Variants in THSD4 observed in about 807,000 individuals in gnomAD.
THSD4 encodes thrombospondin type-1 domain-containing protein 4.
Under a neutral mutation model 119.0 loss-of-function variants are expected in THSD4, and 69 were observed. The ratio of observed to expected loss-of-function variants is 0.58; its 90% CI spans 0.48 to 0.71. The LOEUF is 0.71. THSD4 is among the 30% of genes least tolerant of loss of function. THSD4 has a pLI of 0.00. For missense variants in THSD4, 1,393 were observed against 1,391.1 expected (o/e 1.00, Z -0.02); for synonymous variants, 524 against 540.4 (o/e 0.97, Z 0.42).
intron 8 of THSD4, among the ~76,000 whole-genome samples, chr15:71,692,385 A>G (rs1346016292): frequency 2.0e-5 from 3 of 152,228 alleles, no homozygotes; most frequent in Admixed American, 6.5e-5. Context: ...GTTAGATGCC[A>G]AGGTGATTTA....
intron 7 of THSD4, among the ~76,000 whole-genome samples, chr15:71,470,236 G>A (rs1366119453): frequency 6.6e-6 from 1 of 151,990 alleles, no homozygotes; most frequent in Non-Finnish European, 1.5e-5. Flanking sequence ...TTTGCTTTGG[G>A]ATAATTATTT....
intron 4 of THSD4, among the ~76,000 whole-genome samples, chr15:71,216,124 G>GTGTCTTTTGTTTTTTGTTGGGT (rs2043930590): frequency 6.6e-6 from 1 of 152,234 alleles, no homozygotes; most frequent in Non-Finnish European, 1.5e-5. Flanking sequence ...CATTCATCCG[G>GTGTCTTTTGTTTTTTGTTGGGT]CAGTATTTGT....
chr15:71,186,933 C>G (rs1008770192), intron 3 of THSD4: 1 of 152,152 alleles, frequency 6.6e-6, no homozygotes, highest in African/African-American at 2.4e-5. Flanking sequence ...ATTCGTTGTA[C>G]TAGGAAAACC....
At chr15:71,475,642 G>A (rs959184359) in intron 7 of THSD4, among the ~76,000 whole-genome samples, 1 of 152,202 alleles carries the variant, frequency 6.6e-6, no homozygotes, top group African/African-American at 2.4e-5. Context: ...AGAAATGGCG[G>A]CCAGGCGTGG....
At chr15:71,630,742 A>G (rs554083120) in intron 7 of THSD4, among the ~76,000 whole-genome samples, 5 of 152,266 alleles carry the variant, frequency 3.3e-5, no homozygotes, top group South Asian at 2.1e-4. Context: ...TCAGAGACAC[A>G]TGGGTGTTTG....
intron 6 of THSD4, among the ~76,000 whole-genome samples, chr15:71,312,408 G>C (rs2045124066): frequency 6.6e-6 from 1 of 151,986 alleles, no homozygotes; most frequent in South Asian, 2.1e-4. Context: ...AACCTAATCT[G>C]ACTATTGTGC....
At position 71,215,085 on chromosome 15, in the gene THSD4, C is replaced by G. The variant is rs1360988489; in HGVS notation, c.150C>G (p.Gly50=). ...AEGAPEDDGG[G]GAPGVWGAWG... is the part of the protein sequence containing the mutation. ...GCGCCCCCGAGGACGACGGCGGCGG[C>G]GGCGCCCCGGGAGTGTGGGGCGCCT... The change falls in exon 4 of 18, where the codon GGC becomes GGG. Residue 50 remains glycine, a synonymous_variant. Transcript: ENST00000261862. The G allele has an allele frequency of 1.5e-6, 2 of 1,302,558 alleles. No individual in the cohort carries two copies. Among genetic ancestry groups the G allele is most frequent in the Non-Finnish European group, 2.0e-6 (2 of 1,024,640 alleles). 80.7% of individuals were successfully genotyped at this position (1,302,558 alleles called of 1,614,324 possible).
chr15:71,453,952 T>C (rs1045686431), intron 7 of THSD4, among the ~76,000 whole-genome samples: 4 of 152,116 alleles, frequency 2.6e-5, no homozygotes, highest in African/African-American at 7.2e-5. Flanking sequence ...ATAACTCAAA[T>C]GTACATTTAA....
At chr15:71,755,583 G>A (rs1326937852) in intron 14 of THSD4, among the ~76,000 whole-genome samples, 1 of 151,884 alleles carries the variant, frequency 6.6e-6, no homozygotes, top group Non-Finnish European at 1.5e-5. Context: ...AATGAACAAG[G>A]CAGGGCCCAA....
chr15:71,411,916 C>A (rs1596413197), intron 7 of THSD4, 93 bp downstream of exon 7: 10 of 1,523,718 alleles, frequency 6.6e-6, no homozygotes, highest in Admixed American at 5.4e-5. Context: ...GCTGCTAGCT[C>A]CCCCCAGCCC....
chr15:71,657,738 C>G (rs542327199), intron 7 of THSD4, among the ~76,000 whole-genome samples: 4 of 152,150 alleles, frequency 2.6e-5, no homozygotes, highest in African/African-American at 9.7e-5. Context: ...CAGGCTACTT[C>G]GACATCTACC....
chr15:71,161,114 G>T (rs193145848), intron 3 of THSD4, among the ~76,000 whole-genome samples: 2 of 152,172 alleles, frequency 1.3e-5, no homozygotes, highest in East Asian at 3.9e-4. Context: ...GGAATGAAAA[G>T]ATACATGTTA....
intron 7 of THSD4, among the ~76,000 whole-genome samples, chr15:71,478,644 G>A (rs1029403493): frequency 6.6e-5 from 10 of 152,184 alleles, no homozygotes; most frequent in Non-Finnish European, 1.5e-4. Flanking sequence ...ATGGTAGGTA[G>A]CAGCCAAAAT....
At chr15:71,289,221 T>C (rs1316712527) in intron 6 of THSD4, among the ~76,000 whole-genome samples, 1 of 152,130 alleles carries the variant, frequency 6.6e-6, no homozygotes, top group East Asian at 1.9e-4. Context: ...GGGGCAAGAC[T>C]CCCAGGACCC....
intron 6 of THSD4, among the ~76,000 whole-genome samples, chr15:71,276,596 T>G (rs2044593014): frequency 6.6e-6 from 1 of 152,214 alleles, no homozygotes; most frequent in Non-Finnish European, 1.5e-5. Context: ...TTTTCAATCT[T>G]TCCAATCATG....
chr15:71,290,917 G>T (rs1263829027), intron 6 of THSD4, among the ~76,000 whole-genome samples: 6 of 123,152 alleles, frequency 4.9e-5, no homozygotes, highest in Admixed American at 9.9e-5. Context: ...ATAGACACAT[G>T]CATATAATTT....
At chr15:71,594,063 A>G (rs2049860644) in intron 7 of THSD4, among the ~76,000 whole-genome samples, 1 of 152,130 alleles carries the variant, frequency 6.6e-6, no homozygotes, top group African/African-American at 2.4e-5. Flanking sequence ...GCTGGACATG[A>G]GCTGCACAAT....
chr15:71,281,560 G>A (rs527630148), intron 6 of THSD4, among the ~76,000 whole-genome samples: 14 of 152,304 alleles, frequency 9.2e-5, no homozygotes, highest in African/African-American at 2.9e-4. Context: ...GACTATTCAG[G>A]TTGCAAAACG....
intron 7 of THSD4, among the ~76,000 whole-genome samples, chr15:71,457,784 T>A (rs576681426): frequency 9.2e-5 from 14 of 152,344 alleles, no homozygotes; most frequent in African/African-American, 3.4e-4. Context: ...TGCCTGATTT[T>A]TCCCGGATCC....
Sources: allele counts gnomAD v4.1 joint callset (sites outside exome capture counted in the v4.1 genomes callset), GRCh38; gene constraint gnomAD v4.1.1; transcripts MANE v1.5; gene names NCBI Gene and HGNC (gene_info 2026-07-23, HGNC 2026-07-21).